Variants in EFHD1 observed in about 807,000 individuals in gnomAD.
The protein encoded by EFHD1 is EF-hand domain family member D1.
In EFHD1, 10 loss-of-function variants were observed where a neutral mutation model predicts 17.2. That is an observed-to-expected ratio of 0.58 (90% CI 0.36 to 0.99). The LOEUF is 0.99. EFHD1 is among the 50% of genes least tolerant of loss of function. EFHD1 has a pLI of 0.01. For missense variants in EFHD1, 310 were observed against 327.5 expected, an observed-to-expected ratio of 0.95 and a Z score of 0.41; for synonymous variants, 153 against 142.0, an observed-to-expected ratio of 1.08 and a Z score of -0.55.
exon 1 of EFHD1, chr2:232,606,076 C>A: frequency 1.4e-6 from 2 of 1,475,436 alleles, no homozygotes; most frequent in African/African-American, 1.4e-5. Context: ...AGGCGGATAC[C>A]CCGGCCTTGG....
chr2:232,615,312 A>AGTGTGTTT (rs1553594511), intron 1 of EFHD1, among the ~76,000 whole-genome samples: 2 of 136,476 alleles, frequency 1.5e-5, no homozygotes, highest in African/African-American at 2.7e-5. Flanking sequence ...TGTCAACTAT[A>AGTGTGTTT]GTGTGTGTGT....
At chr2:232,629,616 G>A (rs143450881), upstream of EFHD1, among the ~76,000 whole-genome samples, 3 of 152,000 alleles carry the variant, frequency 2.0e-5, no homozygotes, top group African/African-American at 4.8e-5. Context: ...CTACAGGTGC[G>A]TGTCACCACG....
intron 1 of EFHD1, among the ~76,000 whole-genome samples, chr2:232,617,652 C>CAAAAA (rs1192954692): frequency 1.0e-5 from 1 of 99,254 alleles, no homozygotes; most frequent in Non-Finnish European, 2.0e-5. Flanking sequence ...GACTCCGTCT[C>CAAAAA]AAAAAAAAAA....
chr2:232,616,049 C>A (rs1693923316), intron 1 of EFHD1, among the ~76,000 whole-genome samples: 1 of 152,068 alleles, frequency 6.6e-6, no homozygotes, highest in Admixed American at 6.6e-5. Context: ...TATAACAACA[C>A]CTAGAATCAA....
intron 1 of EFHD1, among the ~76,000 whole-genome samples, chr2:232,620,374 C>T (rs569255836): frequency 2.1e-5 from 3 of 146,190 alleles, no homozygotes; most frequent in East Asian, 4.1e-4. Context: ...GGCGACAAAA[C>T]GAGACTCCAT....
At position 232,676,398 on chromosome 2, in the gene EFHD1, CT is replaced by C. The variant is rs890592506; in HGVS notation, c.585+3962del. Among the ~76,000 whole-genome samples the C allele has an allele frequency of 1.1e-4, 17 of 152,136 alleles. 1 individual carries two copies. The highest frequency in any genetic ancestry group is 3.9e-4 in the African/African-American group (16 of 41,440). On this transcript the variant is annotated intron_variant, in intron 3 of 3. Coordinates refer to ENST00000264059, the MANE Select transcript of EFHD1 (RefSeq NM_025202.4). Reference sequence around the variant, plus strand: ...GGCTGCATGGGAGGTTAGGGAATGTCTTTTTTTCCGGGATCTGTCTGCCCGG... The same window carrying C: ...GGCTGCATGGGAGGTTAGGGAATGTCTTTTTTCCGGGATCTGTCTGCCCGG...
At chr2:232,638,807 C>T (rs1030534125) in intron 1 of EFHD1, among the ~76,000 whole-genome samples, 2 of 152,222 alleles carry the variant, frequency 1.3e-5, no homozygotes, top group Non-Finnish European at 2.9e-5. Flanking sequence ...GCTATAGCTT[C>T]AGTCAACAGT....
At chr2:232,628,818 T>A (rs897355377), upstream of EFHD1, among the ~76,000 whole-genome samples, 1 of 152,142 alleles carries the variant, frequency 6.6e-6, no homozygotes, top group South Asian at 2.1e-4. Context: ...CTATGCTCCC[T>A]CCCCTTTGTC....
chr2:232,638,425 A>G, intron 1 of EFHD1: 1 of 471,184 alleles, frequency 2.1e-6, no homozygotes, highest in South Asian at 1.5e-5. Context: ...CGGTGATGTC[A>G]TGGATGTCCT....
chr2:232,637,711 T>G (rs1197472284), intron 1 of EFHD1, among the ~76,000 whole-genome samples: 1 of 152,176 alleles, frequency 6.6e-6, no homozygotes, highest in Non-Finnish European at 1.5e-5. Flanking sequence ...TTGGGCCCCT[T>G]GCAGTATATA....
At chr2:232,651,993 G>A (rs902980801) in intron 1 of EFHD1, among the ~76,000 whole-genome samples, 3 of 152,186 alleles carry the variant, frequency 2.0e-5, no homozygotes, top group Admixed American at 1.3e-4. Context: ...AGGGGGTCAG[G>A]CTGGGGGTCC....
At chr2:232,614,601 G>A (rs1693889077) in intron 1 of EFHD1, among the ~76,000 whole-genome samples, 1 of 152,240 alleles carries the variant, frequency 6.6e-6, no homozygotes, top group African/African-American at 2.4e-5. Context: ...ATTAGAATGA[G>A]TGGATTGTTT....
chr2:232,673,877 C>T (rs1695123244), intron 3 of EFHD1, among the ~76,000 whole-genome samples: 2 of 150,360 alleles, frequency 1.3e-5, no homozygotes, highest in South Asian at 4.2e-4. Context: ...ATATTTTTCC[C>T]TTCCAGAATT....
At chr2:232,668,100 T>G (rs1394513302) in intron 2 of EFHD1, among the ~76,000 whole-genome samples, 1 of 152,206 alleles carries the variant, frequency 6.6e-6, no homozygotes, top group East Asian at 1.9e-4. Flanking sequence ...TCCCTCCCCC[T>G]CTTTCTTCAC....
At chr2:232,608,274 G>A (rs1295099483) in intron 1 of EFHD1, among the ~76,000 whole-genome samples, 1 of 152,134 alleles carries the variant, frequency 6.6e-6, no homozygotes, top group African/African-American at 2.4e-5. Flanking sequence ...GGAGGCTGAG[G>A]TGGGAGAATC....
chr2:232,606,413 C>G (rs1227602557), intron 1 of EFHD1, among the ~76,000 whole-genome samples: 1 of 152,160 alleles, frequency 6.6e-6, no homozygotes. Context: ...GAGAGACACC[C>G]CAGCCTGCAG....
At chr2:232,631,198 G>A (rs1694194821), upstream of EFHD1, among the ~76,000 whole-genome samples, 1 of 151,998 alleles carries the variant, frequency 6.6e-6, no homozygotes, top group Admixed American at 6.6e-5. Context: ...CTGCACTTCA[G>A]CCTGGGCAAC....
chr2:232,645,754 A>G (rs192680872), intron 1 of EFHD1, among the ~76,000 whole-genome samples: 92 of 152,290 alleles, frequency 6.0e-4, no homozygotes, highest in African/African-American at 2.2e-3. Context: ...CGACACTCCA[A>G]AGGAGGTACG....
chr2:232,626,773 A>T (rs1694109504), intron 1 of EFHD1, among the ~76,000 whole-genome samples: 1 of 152,122 alleles, frequency 6.6e-6, no homozygotes, highest in African/African-American at 2.4e-5. Flanking sequence ...ATCCATGGCT[A>T]TTCACAGTTG....
Sources: gnomAD v4.1 joint callset for allele counts (sites outside exome capture counted in the v4.1 genomes callset) on GRCh38, gnomAD v4.1.1 for gene constraint, MANE v1.5 for transcripts, NCBI Gene and HGNC (gene_info 2026-07-23, HGNC 2026-07-21) for gene names.